ATAD2B: variants seen among roughly 807,000 people sequenced by gnomAD.
The protein encoded by ATAD2B is ATPase family AAA domain containing 2B, also known as ATPase family AAA domain-containing protein 2B.
Under a neutral mutation model 167.6 loss-of-function variants are expected in ATAD2B, and 40 were observed. The ratio of observed to expected loss-of-function variants is 0.24; its 90% CI spans 0.19 to 0.31. The LOEUF is 0.31. Ranked by LOEUF, ATAD2B falls within the 10% of genes least tolerant of loss-of-function variation. The pLI, the probability that ATAD2B is intolerant of heterozygous loss-of-function variation, is 1.00. For missense variants in ATAD2B, 1,242 were observed against 1,757.2 expected (o/e 0.71, Z 5.24); for synonymous variants, 579 against 596.5 (o/e 0.97, Z 0.43).
chr2:23,765,687 G>T, intron 22 of ATAD2B, 59 bp from the exon 23 acceptor site: 1 of 1,108,718 alleles, frequency 9.0e-7, no homozygotes, highest in Non-Finnish European at 1.2e-6. Flanking sequence ...ATTAACAAAG[G>T]ACATCTTAAA....
At chr2:23,680,595 C>T in the ATAD2B span, among the ~76,000 whole-genome samples, 18 of 151,754 alleles carry the variant, frequency 1.2e-4, no homozygotes, top group East Asian at 1.4e-3. The surrounding 1 kb of genome is among the most constrained non-coding windows in gnomAD (Gnocchi z 4.1). Flanking sequence ...CAGACCCCAC[C>T]GAGCCTCCAT....
intron 7 of ATAD2B, among the ~76,000 whole-genome samples, chr2:23,878,281 A>C (rs911363569): frequency 2.6e-5 from 4 of 151,652 alleles, no homozygotes; most frequent in African/African-American, 9.7e-5. Context: ...GAATCGCTTG[A>C]ACCCAGGAGG....
At chr2:23,730,714 A>AATG in the ATAD2B span, among the ~76,000 whole-genome samples, 2 of 150,862 alleles carry the variant, frequency 1.3e-5, no homozygotes, top group East Asian at 1.9e-4. Context: ...AACATGTCAA[A>AATG]ATGTATGGAA....
At chr2:23,913,876 A>G (rs1228577077) in intron 1 of ATAD2B, among the ~76,000 whole-genome samples, 1 of 152,148 alleles carries the variant, frequency 6.6e-6, no homozygotes, top group East Asian at 1.9e-4. Flanking sequence ...CTGAGGCGAG[A>G]GGATTGCTTG....
At position 23,788,592 on chromosome 2, in the gene ATAD2B, A is replaced by G. The variant is rs1248885490; in HGVS notation, c.2696T>C (p.Ile899Thr). ...YEEVLYIQRP[I>T]EEDRRKFFQE... ...AAAAAATTTTCTTCTGTCTTCTTCAATAGGCCTTTGAATATACAAGACCTC... is the reference window on the plus strand; with the variant it reads ...AAAAAATTTTCTTCTGTCTTCTTCAGTAGGCCTTTGAATATACAAGACCTC... Residue 899 changes from isoleucine to threonine, a missense_variant, in exon 20 of 28, where the codon ATT becomes ACT. Ile to Thr is a moderately conservative substitution (Grantham distance 89). Transcript: ENST00000238789. 1 of 1,608,868 alleles carries G rather than the reference A, an allele frequency of 6.2e-7. No homozygotes were observed.
At chr2:23,726,459 A>G in the ATAD2B span, among the ~76,000 whole-genome samples, 6 of 152,174 alleles carry the variant, frequency 3.9e-5, no homozygotes, top group African/African-American at 1.4e-4. Context: ...AATAATGAAG[A>G]GAAAATATAT....
At chr2:23,713,249 G>C in the ATAD2B span, among the ~76,000 whole-genome samples, 1 of 152,254 alleles carries the variant, frequency 6.6e-6, no homozygotes, top group Non-Finnish European at 1.5e-5. Flanking sequence ...TAGGGTGTTA[G>C]CCCTGGGACT....
At chr2:23,786,338 C>T (rs2149405304) in intron 20 of ATAD2B, 115 bp from the exon 21 acceptor site, 1 of 873,960 alleles carries the variant, frequency 1.1e-6, no homozygotes, top group East Asian at 2.7e-5. Flanking sequence ...TCATGTGTTG[C>T]TTAACAACAG....
the ATAD2B span, among the ~76,000 whole-genome samples, chr2:23,725,025 A>G: frequency 8.0e-4 from 114 of 142,590 alleles, no homozygotes; most frequent in African/African-American, 2.8e-3. Flanking sequence ...CCTGGACGAC[A>G]GAGCAAGACT....
chr2:23,742,790 A>C, the ATAD2B span, among the ~76,000 whole-genome samples: 1 of 152,154 alleles, frequency 6.6e-6, no homozygotes, highest in Non-Finnish European at 1.5e-5. Flanking sequence ...ATACCAAAGT[A>C]AAAATTAAGA....
At chr2:23,720,293 G>T in the ATAD2B span, among the ~76,000 whole-genome samples, 1 of 152,218 alleles carries the variant, frequency 6.6e-6, no homozygotes, top group Non-Finnish European at 1.5e-5. Flanking sequence ...AGGAGGGCAG[G>T]CCAGGTGTGG....
chr2:23,811,958 C>T (rs1685664845), intron 17 of ATAD2B, among the ~76,000 whole-genome samples: 1 of 151,878 alleles, frequency 6.6e-6, no homozygotes, highest in African/African-American at 2.4e-5. Context: ...AAGCTCCATA[C>T]CAGAGAAAGA....
chr2:23,849,696 T>C (rs979058154), intron 13 of ATAD2B, among the ~76,000 whole-genome samples: 1 of 152,008 alleles, frequency 6.6e-6, no homozygotes, highest in Non-Finnish European at 1.5e-5. Flanking sequence ...GGCATGGTGG[T>C]GCATGCCTGT....
At chr2:23,693,360 C>T in the ATAD2B span, 37 of 1,551,692 alleles carry the variant, frequency 2.4e-5, no homozygotes, top group South Asian at 1.3e-4. Context: ...CCAAGGCCTT[C>T]GCGCTGCAGA....
intron 13 of ATAD2B, among the ~76,000 whole-genome samples, chr2:23,844,938 C>G (rs1691503021): frequency 1.7e-5 from 2 of 117,396 alleles, no homozygotes; most frequent in Admixed American, 2.1e-4. Context: ...TTAAATTGCA[C>G]AAAACCAGTC....
chr2:23,720,524 A>C, the ATAD2B span, among the ~76,000 whole-genome samples: 1 of 41,702 alleles, frequency 2.4e-5, no homozygotes, highest in Admixed American at 4.4e-4. Flanking sequence ...CAAGATCTCT[A>C]TAAGAGATTG....
chr2:23,868,017 A>G (rs1695400591), intron 9 of ATAD2B, 71 bp from the exon 10 acceptor site: 1 of 979,896 alleles, frequency 1.0e-6, no homozygotes, highest in Non-Finnish European at 1.6e-6. Context: ...ATAAGTTTAC[A>G]TTCTTTGATG....
intron 18 of ATAD2B, among the ~76,000 whole-genome samples, chr2:23,802,361 T>C (rs900914620): frequency 6.6e-6 from 1 of 152,058 alleles, no homozygotes; most frequent in Non-Finnish European, 1.5e-5. Flanking sequence ...ATATAAGATT[T>C]ATTGAGAATC....
chr2:23,762,864 C>T (rs1676922091), intron 23 of ATAD2B, among the ~76,000 whole-genome samples: 1 of 152,108 alleles, frequency 6.6e-6, no homozygotes, highest in African/African-American at 2.4e-5. Flanking sequence ...TCTATGTGGT[C>T]CTTAAGTTGG....
Sources: allele counts gnomAD v4.1 joint callset (sites outside exome capture counted in the v4.1 genomes callset), GRCh38; gene constraint gnomAD v4.1.1; non-coding constraint Gnocchi (gnomAD v3.1); transcripts MANE v1.5; gene names NCBI Gene and HGNC (gene_info 2026-07-23, HGNC 2026-07-21).